Variants in NOBOX observed in about 807,000 individuals in gnomAD.
NOBOX encodes NOBOX oogenesis homeobox, also known as homeobox protein NOBOX.
NOBOX carries 46 observed loss-of-function variants against 60.2 expected under a neutral mutation model. The ratio of observed to expected loss-of-function variants is 0.76; its 90% CI spans 0.60 to 0.98. NOBOX has a LOEUF of 0.98. NOBOX is among the 50% of genes least tolerant of loss of function. NOBOX has a pLI of 0.00. For missense variants in NOBOX, 880 were observed against 865.5 expected, an observed-to-expected ratio of 1.02 and a Z score of -0.21; for synonymous variants, 360 against 346.3, an observed-to-expected ratio of 1.04 and a Z score of -0.44.
chr7:144,407,097 T>C (rs1257928604), intron 1 of NOBOX, among the ~76,000 whole-genome samples: 2 of 152,098 alleles, frequency 1.3e-5, no homozygotes, highest in Admixed American at 6.6e-5. Context: ...AAATCTTTTT[T>C]TCCCCTCACA....
At chr7:144,404,459 G>C in intron 2 of NOBOX, 2 of 1,056,860 alleles carry the variant, frequency 1.9e-6, no homozygotes, top group Non-Finnish European at 2.8e-6. Flanking sequence ...ACGTTGGCTA[G>C]GCTGGGCTAG....
In NOBOX at chr7:144,403,646, T is replaced by G; in HGVS notation, c.210+910A>C. 1 of 662,450 alleles carries G rather than the reference T, an allele frequency of 1.5e-6. No homozygotes were observed. The highest frequency in any genetic ancestry group is 2.8e-6 in the Non-Finnish European group (1 of 362,898). 41.0% of individuals were successfully genotyped at this position (662,450 alleles called of 1,614,324 possible). On this transcript the variant is annotated intron_variant, in intron 2 of 9. Transcript: ENST00000467773. ...CCTGACCCCCTCGCACGACGGGGTCTCCACACTCACCCAGCGGTCCCTGGC... is the reference window on the plus strand; with the variant it reads ...CCTGACCCCCTCGCACGACGGGGTCGCCACACTCACCCAGCGGTCCCTGGC...
chr7:144,406,553 G>A (rs756688300), intron 1 of NOBOX, among the ~76,000 whole-genome samples: 3 of 100,512 alleles, frequency 3.0e-5, no homozygotes, highest in Admixed American at 1.2e-4. Flanking sequence ...GTGAGACTCC[G>A]TCTCAAAAAA....
intron 1 of NOBOX, among the ~76,000 whole-genome samples, chr7:144,408,383 G>A (rs1000118071): frequency 2.6e-5 from 4 of 151,906 alleles, no homozygotes; most frequent in Non-Finnish European, 4.4e-5. Flanking sequence ...GTGTTTACAT[G>A]TATATTACAT....
intron 2 of NOBOX, 135 bp from the exon 1 acceptor site, chr7:144,403,828 T>TCACCCC (rs1312106806): frequency 2.8e-4 from 103 of 370,948 alleles, no homozygotes; most frequent in Middle Eastern, 1.5e-3. Context: ...CTGCGCCCCC[T>TCACCCC]CACCCCCACC....
At chr7:144,408,895 C>A (rs1247927182) in intron 1 of NOBOX, among the ~76,000 whole-genome samples, 1 of 152,194 alleles carries the variant, frequency 6.6e-6, no homozygotes, top group African/African-American at 2.4e-5. Context: ...GATAAAACTG[C>A]ACAGAACTAA....
chr7:144,408,993 C>A (rs548241607), intron 1 of NOBOX, among the ~76,000 whole-genome samples: 33 of 152,214 alleles, frequency 2.2e-4, no homozygotes, highest in Admixed American at 6.5e-4. Flanking sequence ...ATTGTACTGG[C>A]GTGACAGAAG....
Position 144,403,640 on chromosome 7 carries a change from G to C in NOBOX, c.210+916C>G, listed in dbSNP as rs1465417249. 1.5e-5 allele frequency: 10 copies of C among 645,880 alleles called. No individual in the cohort carries two copies. Among genetic ancestry groups the C allele is most frequent in the South Asian group, 1.5e-4 (10 of 66,372 alleles). 40.0% of individuals were successfully genotyped at this position (645,880 alleles called of 1,614,324 possible). On this transcript the variant is annotated intron_variant, in intron 2 of 9. Transcript: ENST00000467773. ...CCAAAGCCTGACCCCCTCGCACGAC[G>C]GGGTCTCCACACTCACCCAGCGGTC...
downstream of NOBOX, chr7:144,397,134 C>T (rs111712809): frequency 6.4e-5 from 60 of 944,878 alleles, no homozygotes; most frequent in Middle Eastern, 1.9e-3. Flanking sequence ...ACTCTCCCCT[C>T]AGTCTACAGA....
intron 1 of NOBOX, among the ~76,000 whole-genome samples, chr7:144,409,230 T>C (rs1177953803): frequency 6.6e-6 from 1 of 152,238 alleles, no homozygotes; most frequent in African/African-American, 2.4e-5. Context: ...TTAAATGATA[T>C]CTACACCTTT....
At chr7:144,397,619 T>C in intron 9 of NOBOX, 78 bp from the exon 8 acceptor site, 2 of 1,277,996 alleles carry the variant, frequency 1.6e-6, no homozygotes, top group Non-Finnish European at 2.1e-6. Flanking sequence ...CTACAACAGA[T>C]CCCCCCGTGC....
chr7:144,397,175 T>A, downstream of NOBOX: 1 of 1,388,988 alleles, frequency 7.2e-7, no homozygotes. Flanking sequence ...CCCCAACCCC[T>A]GTCCTCTCAG....
In NOBOX at chr7:144,398,377, A is replaced by C; in HGVS notation, c.1679T>G (p.Met560Arg). Residue 560 changes from methionine to arginine, a missense_variant, in exon 9 of 10, where the codon ATG (methionine) becomes AGG (arginine). Transcript: ENST00000467773. ...GCCCCCGCTGGGGCCACAGGGAAAC[A>C]TAAAGAGAGAGTCTTCGGGCGGTGG... 6.5e-7 allele frequency: 1 copy of C among 1,537,224 alleles called. No individual in the cohort carries two copies. Among genetic ancestry groups the C allele is most frequent in the Non-Finnish European group, 8.7e-7 (1 of 1,146,876 alleles).
Position 144,399,144 on chromosome 7 carries a change from C to A in NOBOX, c.1275G>T (p.Leu425Phe). 2 of 1,568,610 alleles carry A rather than the reference C, an allele frequency of 1.3e-6. No individual in the cohort carries two copies. The highest frequency in any genetic ancestry group is 1.2e-5 in the South Asian group (1 of 86,510). Residue 425 changes from leucine (L) to phenylalanine (F), a missense_variant, in exon 8 of 10, where the codon TTG (leucine) becomes TTT (phenylalanine). Physicochemically the swap from Leu to Phe is conservative, Grantham distance 22. Transcript: ENST00000467773. Reference sequence around the variant, plus strand: ...CACCCTCACTGGGTTGGGTGGGGGCCAAAGTCTGGTCAGAAGTCAGCAGCA... The same window carrying A: ...CACCCTCACTGGGTTGGGTGGGGGCAAAAGTCTGGTCAGAAGTCAGCAGCA...
At chr7:144,400,569 ACT>A (rs1431277803) in intron 4 of NOBOX, among the ~76,000 whole-genome samples, 2 of 151,942 alleles carry the variant, frequency 1.3e-5, no homozygotes, top group African/African-American at 2.4e-5. Context: ...ACGGAGTCTC[ACT>A]CTGTTGCCCA....
At chr7:144,400,397 C>T in intron 4 of NOBOX, 85 bp from the exon 3 acceptor site, 3 of 1,228,832 alleles carry the variant, frequency 2.4e-6, no homozygotes, top group Non-Finnish European at 3.5e-6. Flanking sequence ...CCAAGTATCT[C>T]CAACAGATGG....
chr7:144,407,246 CAGA>C (rs2053991949), intron 1 of NOBOX, among the ~76,000 whole-genome samples: 1 of 151,954 alleles, frequency 6.6e-6, no homozygotes, highest in South Asian at 2.1e-4. Context: ...GAAAAATAAC[CAGA>C]AGAAGGCGGC....
chr7:144,397,506 G>A lies in NOBOX; in HGVS notation c.1810C>T (p.Leu604=). The change falls in exon 10 of 10, where the codon CTG becomes TTG. Residue 604 remains leucine, a synonymous_variant. Coordinates refer to ENST00000467773, the MANE Select transcript of NOBOX (RefSeq NM_001080413.3). ...GGGCAGAACGGACCAGGGAAGGGCA[G>A]CTCTGGCAAACAGGGGTCACTCCAG... is the stretch of plus-strand genomic sequence containing the variant. The A allele has an allele frequency of 6.5e-7, 1 of 1,535,748 alleles. No individual in the cohort carries two copies. Among genetic ancestry groups the A allele is most frequent in the African/African-American group, 1.4e-5 (1 of 73,108 alleles).
chr7:144,403,719 G>C (rs1247121585), intron 2 of NOBOX, 26 bp from the exon 1 acceptor site: 3 of 698,984 alleles, frequency 4.3e-6, no homozygotes, highest in Non-Finnish European at 7.8e-6. Context: ...CGCCGCGGCC[G>C]GCCCGTGATG....
Sources: gnomAD v4.1 joint callset for allele counts (sites outside exome capture counted in the v4.1 genomes callset) on GRCh38, gnomAD v4.1.1 for gene constraint, MANE v1.5 for transcripts, NCBI Gene and HGNC (gene_info 2026-07-23, HGNC 2026-07-21) for gene names.